The following SLC13A3 variants were observed in gnomAD, a reference collection of about 807,000 sequenced individuals.
The protein encoded by SLC13A3 is solute carrier family 13 member 3.
In SLC13A3, 40 loss-of-function variants were observed where a neutral mutation model predicts 59.0. The ratio of observed to expected loss-of-function variants is 0.68; its 90% CI spans 0.53 to 0.88. The LOEUF is 0.88. Among genes scored for constraint, SLC13A3 ranks in the 40% least tolerant of loss-of-function variants. The pLI is 0.00. For missense variants in SLC13A3, 699 were observed against 783.2 expected (o/e 0.89, Z 1.28); for synonymous variants, 317 against 330.3 (o/e 0.96, Z 0.44).
intron 1 of SLC13A3, among the ~76,000 whole-genome samples, chr20:46,677,165 C>G (rs568451525): frequency 1.3e-5 from 2 of 152,292 alleles, no homozygotes; most frequent in East Asian, 3.9e-4. Flanking sequence ...CCGCCCACCT[C>G]GGCATTCCAA....
intron 1 of SLC13A3, among the ~76,000 whole-genome samples, chr20:46,667,550 G>A (rs546724560): frequency 3.5e-4 from 54 of 152,240 alleles, no homozygotes; most frequent in Non-Finnish European, 7.4e-4. Flanking sequence ...GCCAGGCTCC[G>A]TTTTCAGTAC....
At chr20:46,661,854 T>C (rs2122913484) in intron 1 of SLC13A3, among the ~76,000 whole-genome samples, 1 of 152,308 alleles carries the variant, frequency 6.6e-6, no homozygotes, top group Admixed American at 6.5e-5. Context: ...CTGTGCCTAC[T>C]TTTGAGAGTG....
chr20:46,583,226 G>T, intron 9 of SLC13A3: 1 of 543,982 alleles, frequency 1.8e-6, no homozygotes, highest in Non-Finnish European at 2.4e-6. Flanking sequence ...TTGATACATG[G>T]ACACTGAAAT....
At chr20:46,574,181 G>A (rs984375208) in intron 10 of SLC13A3, among the ~76,000 whole-genome samples, 4 of 152,136 alleles carry the variant, frequency 2.6e-5, no homozygotes, top group Admixed American at 6.5e-5. Context: ...TTCGATTCAC[G>A]AAGCACTTCA....
rs763793430 is a variant in SLC13A3 at position 46,563,394 on chromosome 20, T to C, written c.1632+20A>G. ...CCCACCCACATCCCGGGGCCTCTGC[T>C]GGGAAATGCCCAGACTCACCATGTC... On this transcript the variant is annotated intron_variant, in intron 12 of 12. Transcript: ENST00000279027. 36 of 1,609,826 alleles carry C rather than the reference T, an allele frequency of 2.2e-5. No individual in the cohort carries two copies. The highest frequency in any genetic ancestry group is 2.9e-5 in the Non-Finnish European group (34 of 1,177,632).
intron 9 of SLC13A3, among the ~76,000 whole-genome samples, chr20:46,578,502 C>G (rs2062101339): frequency 6.6e-6 from 1 of 151,562 alleles, no homozygotes; most frequent in Admixed American, 6.6e-5. Flanking sequence ...ATGGTGAAAC[C>G]CCATCTCTAC....
At chr20:46,648,916 C>CACACACACACACACACACACACACAT (rs1362690044) in intron 1 of SLC13A3, among the ~76,000 whole-genome samples, 4 of 112,436 alleles carry the variant, frequency 3.6e-5, no homozygotes, top group East Asian at 2.2e-4. Context: ...CTCTCTCTCT[C>CACACACACACACACACACACACACAT]ACACACACAC....
rs564213958 is a variant in SLC13A3, at chr20:46,637,090, C to T, written c.111+14221G>A. Among the ~76,000 whole-genome samples, 7 of 152,250 alleles carry T rather than the reference C, an allele frequency of 4.6e-5. No individual in the cohort carries two copies. In the South Asian group the frequency reaches 6.2e-4, roughly 14 times the overall value. ...CTAGGATTACAGGCGTGAGCCACCG[C>T]GCCCGGCCTGACATTTTCAATTCTC... is the stretch of plus-strand genomic sequence containing the variant. On this transcript the variant is annotated intron_variant, in intron 1 of 12. Transcript: ENST00000279027.
chr20:46,651,537 C>T, upstream of SLC13A3: 2 of 1,320,284 alleles, frequency 1.5e-6, no homozygotes, highest in South Asian at 2.1e-5. Context: ...CCCGCCCTCT[C>T]CCTGCTCCTC....
intron 8 of SLC13A3, chr20:46,584,013 C>G: frequency 2.0e-6 from 2 of 985,266 alleles, no homozygotes; most frequent in African/African-American, 3.5e-5. Flanking sequence ...CACCGGGACT[C>G]CTGTAAGAGC....
At chr20:46,666,179 T>C (rs2063061529) in intron 1 of SLC13A3, among the ~76,000 whole-genome samples, 1 of 152,218 alleles carries the variant, frequency 6.6e-6, no homozygotes, top group Non-Finnish European at 1.5e-5. Flanking sequence ...ACACAGATAA[T>C]TTTATGTCAG....
intron 9 of SLC13A3, among the ~76,000 whole-genome samples, chr20:46,581,474 A>G (rs1249888475): frequency 7.9e-5 from 12 of 152,376 alleles, no homozygotes; most frequent in Admixed American, 3.9e-4. Context: ...TGAAGGTGAA[A>G]GAATGAACAG....
chr20:46,667,794 C>A (rs534704159), intron 1 of SLC13A3, among the ~76,000 whole-genome samples: 2 of 152,344 alleles, frequency 1.3e-5, no homozygotes, highest in East Asian at 3.9e-4. Context: ...GACAACCCTA[C>A]AGTGAGCAAT....
Position 46,659,046 on chromosome 20 carries a change from A to G in SLC13A3, c.-31+10997T>C, listed in dbSNP as rs182046025. 2.6e-5 allele frequency among the ~76,000 whole-genome samples: 4 copies of G among 152,288 alleles called. No homozygotes were observed. In the East Asian group the frequency reaches 7.7e-4, roughly 29 times the overall value. Reference sequence around the variant, plus strand: ...TTTTTTAAACTGTCAACCTGTTTCTATATGTACAATGTGTTTATTCTATAC... The same window carrying G: ...TTTTTTAAACTGTCAACCTGTTTCTGTATGTACAATGTGTTTATTCTATAC... On this transcript the variant is annotated intron_variant, in intron 1 of 12. Transcript: ENST00000290317.
intron 1 of SLC13A3, among the ~76,000 whole-genome samples, chr20:46,660,914 T>C (rs2122911698): frequency 6.6e-6 from 1 of 152,348 alleles, no homozygotes; most frequent in East Asian, 1.9e-4. Context: ...GCCCAGTCTC[T>C]TATAGATCTA....
intron 11 of SLC13A3, 152 bp from the exon 12 acceptor site, chr20:46,563,703 G>A: frequency 1.2e-6 from 1 of 809,446 alleles, no homozygotes; most frequent in Non-Finnish European, 1.9e-6. Context: ...TGGCAGAGTG[G>A]CAGAGAACAA....
At chr20:46,672,277 G>C (rs1040256447), upstream of SLC13A3, among the ~76,000 whole-genome samples, 38 of 152,364 alleles carry the variant, frequency 2.5e-4, 1 homozygote, top group African/African-American at 9.1e-4. Flanking sequence ...TCACCAGAAG[G>C]CTGGGCTATC....
intron 1 of SLC13A3, among the ~76,000 whole-genome samples, chr20:46,642,750 G>A (rs900541211): frequency 6.6e-6 from 1 of 152,174 alleles, no homozygotes; most frequent in Non-Finnish European, 1.5e-5. Flanking sequence ...GCCTGTCCCT[G>A]TCCCTGGATT....
chr20:46,648,631 G>A (rs1000468017), intron 1 of SLC13A3, among the ~76,000 whole-genome samples: 6 of 152,190 alleles, frequency 3.9e-5, no homozygotes, highest in African/African-American at 1.4e-4. Context: ...TTAGAAAGAA[G>A]TACAGACTCT....
Sources: gnomAD v4.1 joint callset for allele counts (sites outside exome capture counted in the v4.1 genomes callset) on GRCh38, gnomAD v4.1.1 for gene constraint, MANE v1.5 for transcripts, NCBI Gene and HGNC (gene_info 2026-07-23, HGNC 2026-07-21) for gene names.